The following TMEM74 variants were observed in gnomAD, a reference collection of about 807,000 sequenced individuals.
The protein encoded by TMEM74 is transmembrane protein 74.
Under a neutral mutation model 18.1 loss-of-function variants are expected in TMEM74, and 13 were observed. That is an observed-to-expected ratio of 0.72 (90% confidence interval 0.47 to 1.14). The LOEUF (loss-of-function observed/expected upper bound fraction) is 1.14. Ranked by LOEUF, TMEM74 falls within the 50% of genes most tolerant of loss-of-function variation. TMEM74 has a pLI of 0.00. For synonymous variants in TMEM74, 159 were observed against 146.6 expected (o/e 1.08, Z -0.61); for missense variants, 372 against 375.9 (o/e 0.99, Z 0.09).
At chr8:108,609,862 C>T (rs183301449) in intron 2 of TMEM74, among the ~76,000 whole-genome samples, 4 of 152,226 alleles carry the variant, frequency 2.6e-5, no homozygotes, top group Admixed American at 2.0e-4. Flanking sequence ...CATGTGTGTC[C>T]TTGTACTCAG....
At chr8:108,769,400 G>GCA (rs1814146520) in intron 1 of TMEM74, among the ~76,000 whole-genome samples, 1 of 152,052 alleles carries the variant, frequency 6.6e-6, no homozygotes. Context: ...GAATTTCTCA[G>GCA]CAAGCGCACT....
chr8:108,651,432 T>C (rs1401381324), intron 2 of TMEM74, among the ~76,000 whole-genome samples: 1 of 152,178 alleles, frequency 6.6e-6, no homozygotes. Flanking sequence ...ACTAATCTCT[T>C]TAAAAATATC....
downstream of TMEM74, among the ~76,000 whole-genome samples, chr8:108,776,067 A>G (rs1462570072): frequency 1.3e-5 from 2 of 152,254 alleles, no homozygotes; most frequent in Non-Finnish European, 2.9e-5. Context: ...GATAAATGGC[A>G]ATGAAGAACA....
At chr8:108,714,482 A>T (rs1447259034) in intron 1 of TMEM74, among the ~76,000 whole-genome samples, 1 of 152,220 alleles carries the variant, frequency 6.6e-6, no homozygotes, top group Non-Finnish European at 1.5e-5. Context: ...AAATTCTTCA[A>T]GTGACAAGGG....
chr8:108,662,966 G>C (rs926693489), intron 1 of TMEM74, among the ~76,000 whole-genome samples: 8 of 152,270 alleles, frequency 5.3e-5, no homozygotes, highest in Middle Eastern at 3.4e-3. Context: ...GTAATGTGAT[G>C]CCTCCAGGTT....
intron 1 of TMEM74, among the ~76,000 whole-genome samples, chr8:108,657,172 C>G (rs1395044690): frequency 6.6e-6 from 1 of 151,974 alleles, no homozygotes; most frequent in Non-Finnish European, 1.5e-5. Flanking sequence ...ATTCTTGGCA[C>G]AGTTAAAAAC....
In TMEM74 at chr8:108,669,593, T is replaced by C. The variant is rs1260778413; in HGVS notation, n.120-14156A>G. Among the ~76,000 whole-genome samples, 6 of 152,294 alleles carry C rather than the reference T, an allele frequency of 3.9e-5. No individual in the cohort carries two copies. In the East Asian group the frequency reaches 9.7e-4, roughly 25 times the overall value. On this transcript the variant is annotated intron_variant and non_coding_transcript_variant, in intron 1 of 3. Transcript: ENST00000518838. ...GAACAATAAGATATTAGCTTTGTTT[T>C]CAAATTTTAATAAGATTTTAAGTAA...
At chr8:108,702,358 A>G (rs1813345335) in intron 1 of TMEM74, among the ~76,000 whole-genome samples, 1 of 151,286 alleles carries the variant, frequency 6.6e-6, no homozygotes, top group South Asian at 2.1e-4. Context: ...AAAAAAAAAA[A>G]AAAAGAAAGA....
intron 1 of TMEM74, among the ~76,000 whole-genome samples, chr8:108,704,631 C>G (rs1018025582): frequency 4.0e-5 from 6 of 151,898 alleles, no homozygotes; most frequent in Admixed American, 2.6e-4. Context: ...AATACAAAAA[C>G]AAAAAAGACA....
At chr8:108,724,641 G>A (rs763669875) in intron 1 of TMEM74, among the ~76,000 whole-genome samples, 6 of 152,054 alleles carry the variant, frequency 3.9e-5, no homozygotes, top group Non-Finnish European at 4.4e-5. Flanking sequence ...TGAGTTTATT[G>A]ATATTTTAGG....
At chr8:108,731,256 G>A (rs893501491) in intron 1 of TMEM74, among the ~76,000 whole-genome samples, 27 of 151,644 alleles carry the variant, frequency 1.8e-4, no homozygotes, top group African/African-American at 6.1e-4. Context: ...AGGACACAGT[G>A]AAGGGCCATT....
intron 1 of TMEM74, among the ~76,000 whole-genome samples, chr8:108,680,821 C>T (rs1183064551): frequency 6.6e-6 from 1 of 152,198 alleles, no homozygotes; most frequent in Non-Finnish European, 1.5e-5. Flanking sequence ...AGCAAAGCCT[C>T]AGGATACAAA....
intron 1 of TMEM74, among the ~76,000 whole-genome samples, chr8:108,754,209 T>C (rs11985920): frequency 1.4e-3 from 220 of 152,270 alleles, no homozygotes; most frequent in African/African-American, 5.1e-3. Flanking sequence ...CTCCCCTTTG[T>C]GTTTTTGTTG....
intron 2 of TMEM74, among the ~76,000 whole-genome samples, chr8:108,642,268 G>A (rs1334915870): frequency 4.6e-5 from 7 of 151,654 alleles, no homozygotes; most frequent in Admixed American, 3.3e-4. Context: ...ACGTGGTGGT[G>A]CATGCCTGTA....
intron 2 of TMEM74, among the ~76,000 whole-genome samples, chr8:108,654,029 ATAT>A (rs1197499885): frequency 6.6e-6 from 1 of 152,206 alleles, no homozygotes; most frequent in Non-Finnish European, 1.5e-5. Context: ...TAAATAAAAA[ATAT>A]TAAAAAGCAA....
chr8:108,668,307 T>C, intron 1 of TMEM74, among the ~76,000 whole-genome samples: 1 of 152,208 alleles, frequency 6.6e-6, no homozygotes, highest in South Asian at 2.1e-4. Flanking sequence ...AAACATAAGT[T>C]AATATATAAA....
intron 1 of TMEM74, among the ~76,000 whole-genome samples, chr8:108,730,935 G>A (rs1455232304): frequency 6.6e-6 from 1 of 152,082 alleles, no homozygotes; most frequent in East Asian, 1.9e-4. Context: ...CTGCCACCAT[G>A]TGTTCTTATA....
chr8:108,756,682 A>AAGAAAGAG (rs1813974060), intron 1 of TMEM74, among the ~76,000 whole-genome samples: 1 of 113,838 alleles, frequency 8.8e-6, no homozygotes, highest in Non-Finnish European at 1.8e-5. Flanking sequence ...GAAAGAAAGA[A>AAGAAAGAG]AGAAAGAAAG....
intron 1 of TMEM74, among the ~76,000 whole-genome samples, chr8:108,719,101 G>C (rs1289784607): frequency 6.6e-6 from 1 of 151,874 alleles, no homozygotes; most frequent in Non-Finnish European, 1.5e-5. Context: ...AACTCAATTA[G>C]AGTAGAGCAG....
Sources: allele counts gnomAD v4.1 joint callset (sites outside exome capture counted in the v4.1 genomes callset), GRCh38; gene constraint gnomAD v4.1.1; transcripts MANE v1.5; gene names NCBI Gene and HGNC (gene_info 2026-07-23, HGNC 2026-07-21).